EIF4G3: variants seen among roughly 807,000 people sequenced by gnomAD.
EIF4G3 encodes the protein eIF-4-gamma 3.
A neutral mutation model predicts 186.4 loss-of-function variants in EIF4G3; 34 were observed. The observed-to-expected ratio is 0.18, with a 90% confidence interval of 0.14 to 0.24. EIF4G3 has a LOEUF of 0.24. Ranked by LOEUF, EIF4G3 falls within the 10% of genes least tolerant of loss-of-function variation. The pLI, the probability that EIF4G3 is intolerant of heterozygous loss-of-function variation, is 1.00. For missense variants in EIF4G3, 1,536 were observed against 1,948.5 expected (o/e 0.79, Z 3.99); for synonymous variants, 673 against 679.5 (o/e 0.99, Z 0.15).
chr1:21,054,553 T>C (rs141042949), intron 3 of EIF4G3, among the ~76,000 whole-genome samples: 2 of 152,226 alleles, frequency 1.3e-5, no homozygotes, highest in African/African-American at 4.8e-5. Context: ...TTAAAAATAA[T>C]AACTAATGGC....
intron 2 of EIF4G3, among the ~76,000 whole-genome samples, chr1:21,141,368 ATT>A (rs2097333524): frequency 1.5e-5 from 1 of 64,684 alleles, no homozygotes; most frequent in African/African-American, 5.6e-5. Flanking sequence ...TGAGAAAAAT[ATT>A]TTTTCTTTGT....
At chr1:20,883,369 C>T (rs1323641827) in intron 19 of EIF4G3, among the ~76,000 whole-genome samples, 5 of 151,976 alleles carry the variant, frequency 3.3e-5, no homozygotes, top group East Asian at 3.9e-4. Flanking sequence ...CTGTAATCCC[C>T]GCACTTTGGG....
At position 21,170,628 on chromosome 1, in the gene EIF4G3, GC is replaced by G. The variant is rs541941440; in HGVS notation, c.-272+5546del. Among the ~76,000 whole-genome samples the G allele has an allele frequency of 4.3e-3, 644 of 151,338 alleles. 3 individuals are homozygous for G. Among genetic ancestry groups the G allele is most frequent in the African/African-American group, 0.014 (581 of 41,230 alleles). ...GGAGGATGCAGTGAGCCGAGACTGC[GC>G]CACTGCACTCCAGCCTGGGCGACAG... On this transcript the variant is annotated intron_variant, in intron 2 of 36. Coordinates refer to ENST00000602326, the MANE Select transcript of EIF4G3 (RefSeq NM_001391906.1).
chr1:20,929,589 C>G (rs1486536805), intron 14 of EIF4G3: 1 of 152,114 alleles, frequency 6.6e-6, no homozygotes, highest in East Asian at 1.9e-4. Flanking sequence ...GCTCTTAATA[C>G]AAGCTGAAAA....
intron 14 of EIF4G3, among the ~76,000 whole-genome samples, chr1:20,917,698 C>T (rs183122186): frequency 3.9e-5 from 6 of 152,040 alleles, no homozygotes; most frequent in South Asian, 4.2e-4. Flanking sequence ...TTATAGTTAT[C>T]GTTTATATAG....
chr1:20,906,958 AG>A (rs2092289637), intron 14 of EIF4G3, among the ~76,000 whole-genome samples: 1 of 152,166 alleles, frequency 6.6e-6, no homozygotes, highest in Non-Finnish European at 1.5e-5. Flanking sequence ...AGGGAGTAGA[AG>A]GGAAGCAGTC....
At chr1:21,003,049 G>T (rs1185836746) in intron 4 of EIF4G3, among the ~76,000 whole-genome samples, 1 of 149,656 alleles carries the variant, frequency 6.7e-6, no homozygotes, top group Non-Finnish European at 1.5e-5. Flanking sequence ...GGGCTAGAGT[G>T]CAGTGGCACA....
chr1:21,029,790 T>C (rs1025202110), intron 4 of EIF4G3, among the ~76,000 whole-genome samples: 16 of 152,164 alleles, frequency 1.1e-4, no homozygotes, highest in African/African-American at 3.9e-4. Context: ...GAAATAGGTA[T>C]AACAGGACTG....
chr1:21,030,773 C>T (rs1557616148), intron 4 of EIF4G3, among the ~76,000 whole-genome samples: 1 of 152,190 alleles, frequency 6.6e-6, no homozygotes, highest in Non-Finnish European at 1.5e-5. Context: ...TTCAAGTGCT[C>T]AAAAGCCACA....
intron 3 of EIF4G3, among the ~76,000 whole-genome samples, chr1:21,063,048 T>C (rs2095011869): frequency 6.6e-6 from 1 of 152,126 alleles, no homozygotes; most frequent in South Asian, 2.1e-4. Flanking sequence ...CCATAGAATA[T>C]ATATTTATTT....
chr1:20,905,560 G>A lies in EIF4G3; in HGVS notation c.1664-589C>T, dbSNP rs760669873. Among the ~76,000 whole-genome samples, 3 of 152,166 alleles carry A rather than the reference G, an allele frequency of 2.0e-5. 1 individual carries two copies. The highest frequency in any genetic ancestry group is 4.8e-5 in the African/African-American group (2 of 41,438). The stretch of plus-strand genomic sequence containing the variant: ...GTTTGCCTAGCCTTTCATATTGATA[G>A]AGTGAAAACTAAGAAAATAGATAAT... On this transcript the variant is annotated intron_variant, in intron 14 of 36. Coordinates refer to ENST00000602326, the MANE Select transcript of EIF4G3 (RefSeq NM_001391906.1).
chr1:21,157,020 TGC>T (rs1185051630), intron 2 of EIF4G3, among the ~76,000 whole-genome samples: 1 of 152,118 alleles, frequency 6.6e-6, no homozygotes, highest in Non-Finnish European at 1.5e-5. Flanking sequence ...ATCGTACCAC[TGC>T]ACTCCAGCCT....
intron 14 of EIF4G3, among the ~76,000 whole-genome samples, chr1:20,922,338 CTT>C (rs1040473126): frequency 2.6e-5 from 4 of 151,992 alleles, no homozygotes; most frequent in South Asian, 4.2e-4. Context: ...GAGTTTTGCT[CTT>C]GTTGCCCAGG....
chr1:21,105,830 A>G (rs1348363469), intron 2 of EIF4G3, among the ~76,000 whole-genome samples: 1 of 152,164 alleles, frequency 6.6e-6, no homozygotes, highest in East Asian at 1.9e-4. Flanking sequence ...TGGAAGGCCA[A>G]TGTAGGAGGA....
chr1:20,819,609 T>C (rs929628722), intron 33 of EIF4G3, among the ~76,000 whole-genome samples: 15 of 152,164 alleles, frequency 9.9e-5, no homozygotes, highest in African/African-American at 3.4e-4. Flanking sequence ...CTGCGTGTTC[T>C]CACTTATAGG....
chr1:20,943,064 G>A (rs1412292443), intron 13 of EIF4G3, among the ~76,000 whole-genome samples: 3 of 152,154 alleles, frequency 2.0e-5, no homozygotes, highest in Non-Finnish European at 2.9e-5. Flanking sequence ...TCAAAAGGCT[G>A]AGGTGGGAGG....
chr1:21,059,728 G>C (rs760910621), intron 3 of EIF4G3, among the ~76,000 whole-genome samples: 12 of 152,182 alleles, frequency 7.9e-5, no homozygotes, highest in Non-Finnish European at 1.8e-4. Flanking sequence ...CACATACCAT[G>C]TATGTTCTAC....
chr1:21,101,571 A>AAAAAAAAAAAAAC (rs1399577854), intron 2 of EIF4G3, among the ~76,000 whole-genome samples: 5 of 143,148 alleles, frequency 3.5e-5, no homozygotes, highest in South Asian at 2.3e-4. Flanking sequence ...GGAAAAAAAA[A>AAAAAAAAAAAAAC]AAAACAACAA....
chr1:20,849,621 A>G (rs1484448072), intron 28 of EIF4G3, 91 bp from the exon 29 acceptor site: 8 of 522,834 alleles, frequency 1.5e-5, no homozygotes, highest in Admixed American at 8.2e-5. Flanking sequence ...GTGCTATTAC[A>G]TTATTTTAAT....
Sources: gnomAD v4.1 joint callset for allele counts (sites outside exome capture counted in the v4.1 genomes callset) on GRCh38, gnomAD v4.1.1 for gene constraint, MANE v1.5 for transcripts, NCBI Gene and HGNC (gene_info 2026-07-23, HGNC 2026-07-21) for gene names.